IQSEC1: variants seen among roughly 807,000 people sequenced by gnomAD.
The protein encoded by IQSEC1 is IQ motif and Sec7 domain ArfGEF 1.
Under a neutral mutation model 91.0 loss-of-function variants are expected in IQSEC1, and 31 were observed. The ratio of observed to expected loss-of-function variants is 0.34; its 90% CI spans 0.26 to 0.46. The LOEUF is 0.46. Among genes scored for constraint, IQSEC1 ranks in the 20% least tolerant of loss-of-function variants. The pLI, the probability that IQSEC1 is intolerant of heterozygous loss-of-function variation, is 1.00. For synonymous variants in IQSEC1, 699 were observed against 662.6 expected, an observed-to-expected ratio of 1.05 and a Z score of -0.84; for missense variants, 1,388 against 1,575.6, an observed-to-expected ratio of 0.88 and a Z score of 2.02.
chr3:13,192,625 G>A (rs1427763719), intron 1 of IQSEC1, among the ~76,000 whole-genome samples: 4 of 152,182 alleles, frequency 2.6e-5, no homozygotes, highest in Admixed American at 6.5e-5. Flanking sequence ...ATTCTCCCTC[G>A]GGGCCCCAAG....
chr3:12,925,184 G>A (rs183808226), intron 3 of IQSEC1, among the ~76,000 whole-genome samples: 9 of 152,254 alleles, frequency 5.9e-5, no homozygotes, highest in East Asian at 3.9e-4. Context: ...TTCCCTGTCC[G>A]GCCCAACTCC....
chr3:12,899,780 T>A lies in IQSEC1; in HGVS notation c.*1203A>T. On this transcript the variant is annotated 3_prime_UTR_variant, in exon 14 of 14. Transcript: ENST00000613206. ...AACCTTCAGGTTCGAGAGTGGTTCC[T>A]GATGAAAACACTCTCTGAGGGCTTC... is the stretch of plus-strand genomic sequence containing the variant. 8 of 985,352 alleles carry A rather than the reference T, an allele frequency of 8.1e-6. No homozygotes were observed. Among genetic ancestry groups the A allele is most frequent in the Non-Finnish European group, 9.6e-6 (8 of 829,914 alleles). The allele number at this position is 985,352 out of a possible 1,614,324, so 61.0% of individuals were successfully genotyped here.
At chr3:12,963,005 G>C (rs1700337329) in intron 1 of IQSEC1, among the ~76,000 whole-genome samples, 1 of 152,254 alleles carries the variant, frequency 6.6e-6, no homozygotes, top group African/African-American at 2.4e-5. Flanking sequence ...TTTAATCCCA[G>C]AGGAAGCAGA....
intron 1 of IQSEC1, among the ~76,000 whole-genome samples, chr3:12,972,892 C>T (rs1161038558): frequency 1.3e-5 from 2 of 152,196 alleles, no homozygotes; most frequent in Admixed American, 1.3e-4. Context: ...AAGCCAGAGA[C>T]AGCTGCATGG....
rs545779009 is a variant in IQSEC1, at chr3:12,934,446, G to T, written c.1568+1002C>A. Among the ~76,000 whole-genome samples the T allele has an allele frequency of 3.3e-5, 5 of 152,304 alleles. No individual in the cohort carries two copies. In the East Asian group the frequency reaches 9.6e-4, roughly 29 times the overall value. On this transcript the variant is annotated intron_variant, in intron 3 of 13. Coordinates refer to ENST00000613206, the MANE Select transcript of IQSEC1 (RefSeq NM_001134382.3). ...GAGAACAGGGGGCAGACGGAGCAGG[G>T]AGCCAGCTCAGGCACTGGCTTTGAG... is the stretch of plus-strand genomic sequence containing the variant.
At chr3:13,216,190 C>A (rs1173803459) in intron 1 of IQSEC1, among the ~76,000 whole-genome samples, 1 of 152,232 alleles carries the variant, frequency 6.6e-6, no homozygotes. Flanking sequence ...TTGGCAGTGA[C>A]CAATTGCTCA....
At chr3:12,936,766 TC>T in intron 2 of IQSEC1, 69 bp from the exon 3 acceptor site, 1 of 1,412,190 alleles carries the variant, frequency 7.1e-7, no homozygotes, top group Non-Finnish European at 9.4e-7. Flanking sequence ...CCAAACTCCT[TC>T]CCACTTCCTA....
At chr3:13,025,446 G>A (rs1233592380) in intron 1 of IQSEC1, among the ~76,000 whole-genome samples, 5 of 152,244 alleles carry the variant, frequency 3.3e-5, no homozygotes, top group Non-Finnish European at 1.5e-5. Flanking sequence ...TGCACTTGAG[G>A]AAGGCAGCAG....
At chr3:13,256,608 A>T (rs539203671) in intron 1 of IQSEC1, among the ~76,000 whole-genome samples, 2 of 152,306 alleles carry the variant, frequency 1.3e-5, no homozygotes, top group South Asian at 4.1e-4. Context: ...ACCCCAAAGC[A>T]GCCTTCGGGA....
At position 13,280,560 on chromosome 3, in the gene IQSEC1, G is replaced by A. The variant is rs184422999; in HGVS notation, c.272+2151C>T. 5.3e-4 allele frequency among the ~76,000 whole-genome samples: 81 copies of A among 152,240 alleles called. 1 individual carries two copies. Among genetic ancestry groups the A allele is most frequent in the Admixed American group, 2.7e-3 (41 of 15,304 alleles). ...GAATCAGATGCACAAAAATGGGTCCGGCTGCTCCATCTTGAAGGGAACCCA... is the reference window on the plus strand; with the variant it reads ...GAATCAGATGCACAAAAATGGGTCCAGCTGCTCCATCTTGAAGGGAACCCA... On this transcript the variant is annotated intron_variant, in intron 1 of 15. Coordinates refer to the IQSEC1 transcript ENST00000648114.
At chr3:13,177,920 C>T (rs12485741) in intron 1 of IQSEC1, among the ~76,000 whole-genome samples, 87 of 152,184 alleles carry the variant, frequency 5.7e-4, no homozygotes, top group Admixed American at 2.2e-3. Context: ...GATGGAACTC[C>T]CATAAGAAAA....
At chr3:13,049,140 T>C (rs1363367047) in intron 1 of IQSEC1, among the ~76,000 whole-genome samples, 14 of 152,176 alleles carry the variant, frequency 9.2e-5, no homozygotes, top group Admixed American at 7.9e-4. Flanking sequence ...ACACTGGGCA[T>C]GGTGAGGAAT....
In IQSEC1 at chr3:13,100,924, C is replaced by T. The variant is rs1576250135; in HGVS notation, c.303-53402G>A. On this transcript the variant is annotated intron_variant, in intron 2 of 15. Transcript: ENST00000648114. ...GATGAAGAGGGGCGGCCAGGGAGGG[C>T]CTCCCCGAGAGGCAATCTTTGAATT... 1.3e-5 allele frequency among the ~76,000 whole-genome samples: 2 copies of T among 148,384 alleles called. 1 individual carries two copies.
At chr3:13,104,446 G>A (rs1706111887) in intron 2 of IQSEC1, among the ~76,000 whole-genome samples, 1 of 152,056 alleles carries the variant, frequency 6.6e-6, no homozygotes, top group Non-Finnish European at 1.5e-5. Flanking sequence ...GCTCTCTGTA[G>A]TCTATACAAA....
At chr3:13,208,219 G>C (rs1458480258) in intron 1 of IQSEC1, among the ~76,000 whole-genome samples, 1 of 150,554 alleles carries the variant, frequency 6.6e-6, no homozygotes, top group African/African-American at 2.5e-5. Flanking sequence ...GGGCAGGCTG[G>C]AGAATGCCTT....
At chr3:13,219,399 C>T (rs1694613550) in intron 1 of IQSEC1, among the ~76,000 whole-genome samples, 1 of 152,206 alleles carries the variant, frequency 6.6e-6, no homozygotes, top group Admixed American at 6.5e-5. Flanking sequence ...CACCCCACAG[C>T]CCCCCAGGGA....
At chr3:12,920,879 T>G (rs888636021) in intron 5 of IQSEC1, among the ~76,000 whole-genome samples, 4 of 152,090 alleles carry the variant, frequency 2.6e-5, no homozygotes, top group African/African-American at 9.7e-5. Context: ...ATTCAGCCCA[T>G]GGGATGTGAA....
At chr3:13,262,586 G>T (rs2125131615) in intron 1 of IQSEC1, among the ~76,000 whole-genome samples, 1 of 152,352 alleles carries the variant, frequency 6.6e-6, no homozygotes, top group South Asian at 2.1e-4. Flanking sequence ...AGAACTGAAA[G>T]CAGGGTCTTG....
chr3:13,122,940 A>G (rs1473079223), intron 2 of IQSEC1, among the ~76,000 whole-genome samples: 1 of 151,976 alleles, frequency 6.6e-6, no homozygotes, highest in Non-Finnish European at 1.5e-5. Context: ...CAGGCTGGTG[A>G]CCCGGCCCTG....
Sources: gnomAD v4.1 joint callset for allele counts (sites outside exome capture counted in the v4.1 genomes callset) on GRCh38, gnomAD v4.1.1 for gene constraint, MANE v1.5 for transcripts, NCBI Gene and HGNC (gene_info 2026-07-23, HGNC 2026-07-21) for gene names.